CNTNAP3B: variants seen among roughly 807,000 people sequenced by gnomAD.
CNTNAP3B encodes contactin-associated protein-like 3B.
CNTNAP3B carries 25 observed loss-of-function variants against 108.9 expected under a neutral mutation model. The observed-to-expected ratio is 0.23, with a 90% CI of 0.17 to 0.32. The LOEUF (loss-of-function observed/expected upper bound fraction) is 0.32, where lower values mean the gene tolerates loss of function less well. Ranked by LOEUF, CNTNAP3B falls within the 10% of genes least tolerant of loss-of-function variation. The pLI is 1.00. For missense variants in CNTNAP3B, 252 were observed against 1,210.4 expected, an observed-to-expected ratio of 0.21 and a Z score of 11.75; for synonymous variants, 103 against 473.4, an observed-to-expected ratio of 0.22 and a Z score of 10.16.
At chr9:41,938,590 A>G (rs1824231126) in intron 13 of CNTNAP3B, among the ~76,000 whole-genome samples, 190 bp from the exon 14 acceptor site, 2 of 152,286 alleles carry the variant, frequency 1.3e-5, no homozygotes, top group Non-Finnish European at 2.9e-5. Context: ...TTTTTCCCCC[A>G]ATATTTCAAT....
intron 3 of CNTNAP3B, among the ~76,000 whole-genome samples, chr9:42,056,658 T>C (rs1176328670): frequency 7.2e-6 from 1 of 138,406 alleles, no homozygotes; most frequent in Non-Finnish European, 1.5e-5. Context: ...CATTATCTCA[T>C]AAATTTATAT....
At chr9:41,989,826 CCTT>C (rs928083412) in intron 8 of CNTNAP3B, among the ~76,000 whole-genome samples, 2 of 148,690 alleles carry the variant, frequency 1.3e-5, no homozygotes, top group African/African-American at 2.5e-5. Flanking sequence ...GCTCCTATCT[CCTT>C]GTCTCCGTGG....
At chr9:41,985,575 TATTA>T (rs1325821943) in intron 9 of CNTNAP3B, among the ~76,000 whole-genome samples, 2 of 121,608 alleles carry the variant, frequency 1.6e-5, no homozygotes, top group Non-Finnish European at 3.4e-5. Flanking sequence ...GCTTGTCTCC[TATTA>T]ATTAATATTT....
At chr9:41,939,886 G>A (rs542454542) in intron 13 of CNTNAP3B, among the ~76,000 whole-genome samples, 2 of 152,078 alleles carry the variant, frequency 1.3e-5, no homozygotes, top group East Asian at 3.9e-4. Flanking sequence ...GATAGATTCT[G>A]GAAATAATAC....
intron 13 of CNTNAP3B, among the ~76,000 whole-genome samples, chr9:41,946,435 A>G (rs944818443): frequency 1.6e-5 from 1 of 61,054 alleles, no homozygotes; most frequent in African/African-American, 6.4e-5. Context: ...AATTAAACTA[A>G]TAATAGCAGA....
At chr9:41,952,266 C>A (rs1487965760) in intron 13 of CNTNAP3B, among the ~76,000 whole-genome samples, 1 of 152,108 alleles carries the variant, frequency 6.6e-6, no homozygotes, top group Non-Finnish European at 1.5e-5. Context: ...ATTATGCTAC[C>A]GACATACACT....
chr9:41,953,507 G>T (rs537963759), intron 12 of CNTNAP3B, 121 bp from the exon 13 acceptor site: 4 of 1,135,278 alleles, frequency 3.5e-6, no homozygotes, highest in East Asian at 2.6e-5. Context: ...CATGTTTGCC[G>T]CGATTTGAGG....
chr9:41,939,878 T>C (rs557789173), intron 13 of CNTNAP3B, among the ~76,000 whole-genome samples: 1 of 152,014 alleles, frequency 6.6e-6, no homozygotes, highest in Non-Finnish European at 1.5e-5. Flanking sequence ...AGTATAATGA[T>C]AGATTCTGGA....
intron 3 of CNTNAP3B, among the ~76,000 whole-genome samples, chr9:42,033,171 T>C (rs1247212927): frequency 7.2e-6 from 1 of 138,460 alleles, no homozygotes; most frequent in Non-Finnish European, 1.5e-5. Flanking sequence ...AAAGTTAGGC[T>C]TTACAAAAGA....
intron 1 of CNTNAP3B, among the ~76,000 whole-genome samples, chr9:42,105,812 C>T (rs1217415617): frequency 1.4e-4 from 13 of 90,904 alleles, no homozygotes; most frequent in Non-Finnish European, 3.0e-4. Flanking sequence ...TAATGTTACA[C>T]ATAAGTTTTC....
intron 13 of CNTNAP3B, among the ~76,000 whole-genome samples, chr9:41,938,676 A>G (rs375361949): frequency 2.6e-5 from 4 of 152,410 alleles, no homozygotes; most frequent in South Asian, 2.1e-4. Flanking sequence ...TACTTTCTAT[A>G]GAAATAACAT....
chr9:41,970,983 G>T (rs111844409), intron 9 of CNTNAP3B, among the ~76,000 whole-genome samples: 1 of 151,358 alleles, frequency 6.6e-6, no homozygotes, highest in Admixed American at 6.6e-5. Context: ...TGAATAGAAA[G>T]AGATAAAATA....
intron 2 of CNTNAP3B, among the ~76,000 whole-genome samples, chr9:42,094,751 G>A (rs573799767): frequency 1.0e-5 from 1 of 96,028 alleles, no homozygotes; most frequent in Admixed American, 1.1e-4. Flanking sequence ...AGGAAGGGAG[G>A]GAGGGAGGGA....
At chr9:42,058,556 GCA>G (rs1230655279) in intron 3 of CNTNAP3B, among the ~76,000 whole-genome samples, 11 of 143,448 alleles carry the variant, frequency 7.7e-5, no homozygotes, top group African/African-American at 2.2e-4. Flanking sequence ...TTTTTAAAAA[GCA>G]CAGTTATTTG....
chr9:41,964,102 G>A (rs1391317493), intron 11 of CNTNAP3B, among the ~76,000 whole-genome samples: 2 of 152,302 alleles, frequency 1.3e-5, no homozygotes, highest in Non-Finnish European at 2.9e-5. Context: ...CCCAGTGATT[G>A]TTAAAAAATC....
intron 3 of CNTNAP3B, among the ~76,000 whole-genome samples, chr9:42,056,649 A>T (rs1403318702): frequency 7.2e-6 from 1 of 138,262 alleles, no homozygotes; most frequent in East Asian, 2.2e-4. Context: ...CGCGCCAAGC[A>T]TTATCTCATA....
At position 41,997,635 on chromosome 9, in the gene CNTNAP3B, G is replaced by A; in HGVS notation, c.860C>T (p.Thr287Ile). The A allele has an allele frequency of 6.2e-7, 1 of 1,611,464 alleles. No individual in the cohort carries two copies. Among genetic ancestry groups the A allele is most frequent in the Admixed American group, 1.7e-5 (1 of 59,702 alleles). The change falls in exon 6 of 24, where the codon ACC becomes ATC. Residue 287 changes from threonine (T) to isoleucine (I), a missense_variant. Transcript: ENST00000377561. ...IELLDTQVNF[T>I]VDKHTHHFQA... The stretch of plus-strand genomic sequence containing the variant: ...GAAATGATGAGTGTGTTTGTCCACG[G>A]TGAAGTTGACCTGCGTGTCGAGGAG...
rs745851871 is a variant in CNTNAP3B at position 41,929,375 on chromosome 9, T to A, written c.2307A>T (p.Thr769=). The change falls in exon 15 of 24, where the codon ACA becomes ACT. Residue 769 remains threonine (T), a synonymous_variant. Coordinates refer to ENST00000377561, the MANE Select transcript of CNTNAP3B (RefSeq NM_001201380.3). ...LPVTQIVMTD[T]GQPHSEADYT... ...AATCTGCTTCGGAATGTGGTTGGCCTGTGTCTGTCATCACAATCTGAGTGA... is the reference window on the plus strand; with the variant it reads ...AATCTGCTTCGGAATGTGGTTGGCCAGTGTCTGTCATCACAATCTGAGTGA... 8 of 1,545,024 alleles carry A rather than the reference T, an allele frequency of 5.2e-6. 1 individual carries two copies. Among genetic ancestry groups the A allele is most frequent in the Non-Finnish European group, 7.0e-6 (8 of 1,139,830 alleles).
intron 15 of CNTNAP3B, among the ~76,000 whole-genome samples, chr9:41,924,645 G>GCGCGCGCGCGCACACACA (rs1474850625): frequency 8.1e-5 from 11 of 135,130 alleles, no homozygotes; most frequent in Non-Finnish European, 1.1e-4. Flanking sequence ...TTTCCTTCCT[G>GCGCGCGCGCGCACACACA]CACACACACA....
Sources: allele counts gnomAD v4.1 joint callset (sites outside exome capture counted in the v4.1 genomes callset), GRCh38; gene constraint gnomAD v4.1.1; transcripts MANE v1.5; gene names NCBI Gene and HGNC (gene_info 2026-07-23, HGNC 2026-07-21).